FRAS1: variants seen among roughly 807,000 people sequenced by gnomAD.
FRAS1 encodes extracellular matrix organizing protein FRAS1.
A neutral mutation model predicts 435.2 loss-of-function variants in FRAS1; 290 were observed. The observed-to-expected ratio is 0.67, with a 90% CI of 0.61 to 0.73. The LOEUF (loss-of-function observed/expected upper bound fraction) is 0.73. Ranked by LOEUF, FRAS1 falls within the 30% of genes least tolerant of loss-of-function variation. The pLI, the probability that FRAS1 is intolerant of heterozygous loss-of-function variation, is 0.00. For synonymous variants in FRAS1, 1,800 were observed against 1,851.0 expected (o/e 0.97, Z 0.71); for missense variants, 4,860 against 5,001.5 (o/e 0.97, Z 0.85).
chr4:78,217,300 A>G (rs999357602), intron 2 of FRAS1, among the ~76,000 whole-genome samples: 1 of 152,158 alleles, frequency 6.6e-6, no homozygotes. Context: ...TAACAGATAC[A>G]CCCAAAAAGA....
At chr4:78,084,636 G>A (rs1741057625) in intron 2 of FRAS1, among the ~76,000 whole-genome samples, 1 of 152,090 alleles carries the variant, frequency 6.6e-6, no homozygotes, top group Non-Finnish European at 1.5e-5. Context: ...CATGATCCCA[G>A]TAGACTCTGA....
intron 1 of FRAS1, among the ~76,000 whole-genome samples, chr4:78,065,058 GTA>G (rs34023994): frequency 0.032 from 3,843 of 119,732 alleles, 202 homozygotes; most frequent in African/African-American, 0.1. Context: ...GTTTTATAGT[GTA>G]TATATATATA....
At position 78,432,425 on chromosome 4, in the gene FRAS1, C is replaced by T. The variant is rs974716449; in HGVS notation, c.5038C>T (p.Arg1680Trp). ...GTATATACATGATGGTTCCTCTACC[C>T]GGGAAGACAGCATGGAGATCTCAGT... Reference protein sequence around the residue: ...LQYIHDGSSTREDSMEISVTD... With the variant: ...LQYIHDGSSTWEDSMEISVTD... The change falls in exon 38 of 74, where the codon CGG (arginine) becomes TGG (tryptophan). Residue 1680 changes from arginine to tryptophan, a missense_variant. Coordinates refer to ENST00000512123, the MANE Select transcript of FRAS1 (RefSeq NM_025074.7). 5.6e-6 allele frequency: 9 copies of T among 1,612,156 alleles called. No homozygotes were observed. Among genetic ancestry groups the T allele is most frequent in the South Asian group, 1.1e-5 (1 of 90,592 alleles).
chr4:78,421,737 T>A (rs1733794651), intron 33 of FRAS1, 126 bp from the exon 34 acceptor site: 2 of 1,106,116 alleles, frequency 1.8e-6, no homozygotes, highest in East Asian at 4.8e-5. Flanking sequence ...AAGAGCAACC[T>A]GAGAACAGTC....
chr4:78,253,363 G>A (rs1468467189), intron 5 of FRAS1, among the ~76,000 whole-genome samples: 2 of 152,048 alleles, frequency 1.3e-5, no homozygotes, highest in African/African-American at 2.4e-5. Flanking sequence ...TCAAACACAC[G>A]TTTTACAATC....
chr4:78,388,014 T>C (rs1350849795), intron 29 of FRAS1, among the ~76,000 whole-genome samples: 1 of 152,124 alleles, frequency 6.6e-6, no homozygotes, highest in East Asian at 1.9e-4. Flanking sequence ...ATATTTCTGT[T>C]TTTATCTGCC....
chr4:78,372,590 C>T (rs552850600), intron 23 of FRAS1, 128 bp from the exon 24 acceptor site: 2 of 1,121,320 alleles, frequency 1.8e-6, no homozygotes, highest in African/African-American at 3.1e-5. Context: ...TTTGAGCCTA[C>T]TTATCTGACA....
intron 14 of FRAS1, among the ~76,000 whole-genome samples, chr4:78,296,258 CT>C (rs993535765): frequency 5.5e-4 from 84 of 151,632 alleles, no homozygotes; most frequent in African/African-American, 1.7e-3. Flanking sequence ...CGTGTTTGTA[CT>C]TTTTTCTATT....
At position 78,415,784 on chromosome 4, in the gene FRAS1, T is replaced by G. The variant is rs191207334; in HGVS notation, c.4425+2699T>G. ...TGAGGCAAATAAGGTGTTGAGGGAT[T>G]TGTAGCAAAGAAGTGCCATGATCAG... On this transcript the variant is annotated intron_variant, in intron 32 of 73. Coordinates refer to ENST00000512123, the MANE Select transcript of FRAS1 (RefSeq NM_025074.7). Among the ~76,000 whole-genome samples the G allele has an allele frequency of 1.4e-4, 22 of 152,272 alleles. No individual in the cohort carries two copies. In the East Asian group the frequency reaches 4.0e-3, roughly 28 times the overall value.
intron 26 of FRAS1, among the ~76,000 whole-genome samples, chr4:78,376,929 G>C (rs964848419): frequency 6.6e-6 from 1 of 152,110 alleles, no homozygotes; most frequent in Non-Finnish European, 1.5e-5. Context: ...AGGAGGTGGA[G>C]GTTGTGGTGA....
chr4:78,240,098 G>T (rs1237906860), intron 3 of FRAS1, among the ~76,000 whole-genome samples: 1 of 152,086 alleles, frequency 6.6e-6, no homozygotes, highest in Non-Finnish European at 1.5e-5. Context: ...GAGAGATGAG[G>T]CTAGAAAGTT....
At chr4:78,479,956 G>A (rs1267566023) in intron 56 of FRAS1, among the ~76,000 whole-genome samples, 1 of 152,102 alleles carries the variant, frequency 6.6e-6, no homozygotes, top group Admixed American at 6.5e-5. Flanking sequence ...TGGGTACATA[G>A]TAAGTGTATA....
intron 14 of FRAS1, among the ~76,000 whole-genome samples, chr4:78,298,393 C>T (rs1224971013): frequency 6.6e-6 from 1 of 151,354 alleles, no homozygotes; most frequent in African/African-American, 2.4e-5. Flanking sequence ...CTTAAATATA[C>T]ACAATACAAT....
intron 71 of FRAS1, among the ~76,000 whole-genome samples, chr4:78,536,115 G>A (rs1374009301): frequency 6.6e-6 from 1 of 151,736 alleles, no homozygotes; most frequent in African/African-American, 2.4e-5. Context: ...TAAAGAGCTT[G>A]GTGCCATAGC....
At chr4:78,339,479 G>A (rs753678224) in intron 20 of FRAS1, among the ~76,000 whole-genome samples, 33 of 152,242 alleles carry the variant, frequency 2.2e-4, no homozygotes, top group Admixed American at 1.2e-3. Context: ...GGCTGTAGGA[G>A]TTCAAGGTAG....
intron 6 of FRAS1, among the ~76,000 whole-genome samples, chr4:78,259,648 T>G (rs995506767): frequency 0.028 from 4,128 of 148,792 alleles, 194 homozygotes; most frequent in African/African-American, 0.095. Context: ...TTTCTCCCAT[T>G]TTGTAGGTTG....
chr4:78,422,046 G>A, intron 34 of FRAS1, 46 bp downstream of exon 34: 2 of 1,563,470 alleles, frequency 1.3e-6, no homozygotes, highest in Non-Finnish European at 1.7e-6. Flanking sequence ...GCTCTCTGTG[G>A]CTCTACATGA....
chr4:78,452,900 G>T (rs182327802), intron 47 of FRAS1, among the ~76,000 whole-genome samples: 4 of 152,312 alleles, frequency 2.6e-5, no homozygotes, highest in Non-Finnish European at 5.9e-5. Context: ...TAAACATGGT[G>T]TTGTAGGAGT....
At chr4:78,086,460 CCG>C (rs1560513356) in intron 2 of FRAS1, among the ~76,000 whole-genome samples, 3 of 152,036 alleles carry the variant, frequency 2.0e-5, no homozygotes, top group Non-Finnish European at 4.4e-5. Flanking sequence ...ACACAAAAAA[CCG>C]TTCAAAAAAT....
Sources: allele counts gnomAD v4.1 joint callset (sites outside exome capture counted in the v4.1 genomes callset), GRCh38; gene constraint gnomAD v4.1.1; transcripts MANE v1.5; gene names NCBI Gene and HGNC (gene_info 2026-07-23, HGNC 2026-07-21).